The following PITX3 variants were observed in gnomAD, a reference collection of about 807,000 sequenced individuals.
PITX3 encodes pituitary homeobox 3.
Under a neutral mutation model 14.2 loss-of-function variants are expected in PITX3, and 4 were observed. The observed-to-expected ratio is 0.28, with a 90% CI of 0.14 to 0.65. PITX3 has a LOEUF of 0.65. Ranked by LOEUF, PITX3 falls within the 30% of genes least tolerant of loss-of-function variation. The pLI, the probability that PITX3 is intolerant of heterozygous loss-of-function variation, is 0.82. For missense variants in PITX3, 358 were observed against 426.8 expected, an observed-to-expected ratio of 0.84 and a Z score of 1.42; for synonymous variants, 194 against 204.5, an observed-to-expected ratio of 0.95 and a Z score of 0.44.
At chr10:102,235,156 T>C in intron 1 of PITX3, among the ~76,000 whole-genome samples, 1 of 143,132 alleles carries the variant, frequency 7.0e-6, no homozygotes, top group Admixed American at 7.0e-5. Context: ...GAGCTAGCCA[T>C]TATTACCCTT....
At chr10:102,235,809 C>T (rs532038584) in intron 1 of PITX3, among the ~76,000 whole-genome samples, 8 of 152,206 alleles carry the variant, frequency 5.3e-5, no homozygotes, top group Admixed American at 2.0e-4. Flanking sequence ...AAGGTGAGTA[C>T]GCTGCATTAC....
At chr10:102,237,588 GAAAA>G (rs545913690) in intron 1 of PITX3, among the ~76,000 whole-genome samples, 1 of 151,796 alleles carries the variant, frequency 6.6e-6, no homozygotes, top group Admixed American at 6.6e-5. Flanking sequence ...CCTGAATAAA[GAAAA>G]AAACCCTAAG....
At position 102,230,743 on chromosome 10, in the gene PITX3, G is replaced by A. The variant is rs527958411; in HGVS notation, c.680C>T (p.Pro227Leu). The A allele has an allele frequency of 6.7e-7, 1 of 1,488,240 alleles. No individual in the cohort carries two copies. The highest frequency in any genetic ancestry group is 1.4e-5 in the South Asian group (1 of 74,050). 92.2% of individuals were successfully genotyped at this position (1,488,240 alleles called of 1,614,324 possible). A position where few individuals can be genotyped will look rare whatever the true frequency, so the allele number is the denominator to read the frequency against. The change falls in exon 4 of 4, where the codon CCG becomes CTG. Residue 227 changes from proline to leucine, a missense_variant. Transcript: ENST00000370002. ...GLGGGPPGLA[P>L]AAVSSGAVSC... ...CACGGCCCCGGAGGACACGGCGGCC[G>A]GAGCCAGCCCGGGGGGGCCCCCGCC...
At chr10:102,234,950 C>T (rs538238593) in intron 1 of PITX3, among the ~76,000 whole-genome samples, 153 of 152,294 alleles carry the variant, frequency 1.0e-3, no homozygotes, top group African/African-American at 3.1e-3. Context: ...GTTCAGGCTG[C>T]GTGTTCCCAG....
At position 102,230,937 on chromosome 10, in the gene PITX3, G is replaced by A; in HGVS notation, c.486C>T (p.Ala162=). ...SYGNWPPKAL[A]PPLAAKTFPF... ...GAAAGGTCTTGGCGGCGAGCGGCGGGGCAAGAGCCTTGGGCGGCCAGTTGC... is the reference window on the plus strand; with the variant it reads ...GAAAGGTCTTGGCGGCGAGCGGCGGAGCAAGAGCCTTGGGCGGCCAGTTGC... The change falls in exon 4 of 4, where the codon GCC becomes GCT. Residue 162 remains alanine (A), a synonymous_variant. Transcript: ENST00000370002. 6.2e-7 allele frequency: 1 copy of A among 1,609,602 alleles called. No individual in the cohort carries two copies. Among genetic ancestry groups the A allele is most frequent in the Middle Eastern group, 1.7e-4 (1 of 6,052 alleles).
In PITX3 at chr10:102,230,656, T is replaced by C. The variant is rs768545639; in HGVS notation, c.767A>G (p.Tyr256Cys). 9 of 1,599,338 alleles carry C rather than the reference T, an allele frequency of 5.6e-6. No individual in the cohort carries two copies. The highest frequency in any genetic ancestry group is 3.3e-4 in the Middle Eastern group (2 of 6,042). Residue 256 changes from tyrosine to cysteine, a missense_variant, in exon 4 of 4, where the codon TAT (tyrosine) becomes TGT (cysteine). Coordinates refer to ENST00000370002, the MANE Select transcript of PITX3 (RefSeq NM_005029.4). ...CAGGCTCGAGTTACACGGGTCCCGA[T>C]AGACGTAGGGGGAAGAGGCGGCAGC... ...AAAAASSPYVYRDPCNSSLAS... is the reference protein window; with the variant it reads ...AAAAASSPYVCRDPCNSSLAS...
In PITX3 at chr10:102,230,821, G is replaced by T; in HGVS notation, c.602C>A (p.Ser201Tyr). ...PSSIAASMVP[S>Y]AAAAPGTVPG... ...CACGGTGCCCGGGGCAGCCGCGGCG[G>T]AGGGCACCATGGAGGCGGCGATGGA... The change falls in exon 4 of 4, where the codon TCC (serine) becomes TAC (tyrosine). Residue 201 changes from serine (S) to tyrosine (Y), a missense_variant. Coordinates refer to ENST00000370002, the MANE Select transcript of PITX3 (RefSeq NM_005029.4). 1 of 1,571,428 alleles carries T rather than the reference G, an allele frequency of 6.4e-7. No homozygotes were observed. The highest frequency in any genetic ancestry group is 8.6e-7 in the Non-Finnish European group (1 of 1,159,350).
rs763561943 is a variant in PITX3 at position 102,231,001 on chromosome 10, A to G, written c.422T>C (p.Val141Ala). 5.0e-6 allele frequency: 8 copies of G among 1,599,548 alleles called. No homozygotes were observed. The South Asian group carries it at 8.9e-5, about 18-fold the overall frequency. The change falls in exon 4 of 4, where the codon GTG becomes GCG. Residue 141 changes from valine to alanine, a missense_variant. By Grantham distance (64) the Val-to-Ala change is moderately conservative (BLOSUM62 0). Around this residue, in one of 3 missense-constraint regions of PITX3, gnomAD observed 236 missense variants for 250.2 expected, o/e 0.94. Coordinates refer to ENST00000370002, the MANE Select transcript of PITX3 (RefSeq NM_005029.4). ...GGGGTACACCTCCTCGTAGGGCGGC[A>G]CCAGCCCCCCGAGCGGCGCCGCGAA... Reference protein sequence around the residue: ...GSFAAPLGGLVPPYEEVYPGY... With the variant: ...GSFAAPLGGLAPPYEEVYPGY...
chr10:102,231,572 G>T lies in PITX3; in HGVS notation c.321+16C>A. 4 of 1,546,514 alleles carry T rather than the reference G, an allele frequency of 2.6e-6. No homozygotes were observed. Among genetic ancestry groups the T allele is most frequent in the Non-Finnish European group, 3.5e-6 (4 of 1,132,880 alleles). The stretch of plus-strand genomic sequence containing the variant: ...AGGGCCCGCGCGGGTGCGAGTCGCG[G>T]GTCTGGAGAGCATACCCGCACGCGG... On this transcript the variant is annotated intron_variant, in intron 3 of 3. Coordinates refer to ENST00000370002, the MANE Select transcript of PITX3 (RefSeq NM_005029.4).
rs756594245 is a variant in PITX3 at position 102,230,583 on chromosome 10, G to T, written c.840C>A (p.Pro280=). 1 of 1,611,690 alleles carries T rather than the reference G, an allele frequency of 6.2e-7. No individual in the cohort carries two copies. The change falls in exon 4 of 4, where the codon CCC becomes CCA. Residue 280 remains proline, a synonymous_variant. Transcript: ENST00000370002. The part of the protein sequence containing the change: ...KAKQHASFSY[P]AVHGPPPAAN... ...CTGCCGGGGGCGGCCCGTGCACAGCGGGGTAGCTGAAGGAGGCGTGCTGTT... is the reference window on the plus strand; with the variant it reads ...CTGCCGGGGGCGGCCCGTGCACAGCTGGGTAGCTGAAGGAGGCGTGCTGTT...
In PITX3 at chr10:102,230,754, G is replaced by C. The variant is rs1021921907; in HGVS notation, c.669C>G (p.Pro223=). 1.3e-6 allele frequency: 2 copies of C among 1,483,010 alleles called. No homozygotes were observed. Among genetic ancestry groups the C allele is most frequent in the Middle Eastern group, 2.0e-4 (1 of 4,986 alleles). 91.9% of individuals were successfully genotyped at this position (1,483,010 alleles called of 1,614,324 possible). The change falls in exon 4 of 4, where the codon CCC becomes CCG. Residue 223 remains proline, a synonymous_variant. Coordinates refer to ENST00000370002, the MANE Select transcript of PITX3 (RefSeq NM_005029.4). ...AGGACACGGCGGCCGGAGCCAGCCC[G>C]GGGGGGCCCCCGCCCAGGCCCTGCA... is the stretch of plus-strand genomic sequence containing the variant. ...GALQGLGGGP[P]GLAPAAVSSG... is the part of the protein sequence containing the mutation.
At chr10:102,240,627 T>C (rs1416179008) in intron 1 of PITX3, among the ~76,000 whole-genome samples, 1 of 152,198 alleles carries the variant, frequency 6.6e-6, no homozygotes, top group Non-Finnish European at 1.5e-5. Context: ...CCCACTTCGC[T>C]ACCCGGACAT....
chr10:102,234,832 C>A (rs2070342531), intron 1 of PITX3, among the ~76,000 whole-genome samples: 1 of 152,162 alleles, frequency 6.6e-6, no homozygotes, highest in Non-Finnish European at 1.5e-5. Flanking sequence ...TTCCAAATTA[C>A]CCTGTCCCCG....
At chr10:102,231,321 C>G (rs1427384908) in intron 3 of PITX3, among the ~76,000 whole-genome samples, 1 of 152,020 alleles carries the variant, frequency 6.6e-6, no homozygotes, top group African/African-American at 2.4e-5. Flanking sequence ...TCTGGCGGGA[C>G]AGTAGGATGG....
intron 1 of PITX3, among the ~76,000 whole-genome samples, chr10:102,240,694 T>C (rs1041543324): frequency 8.5e-5 from 13 of 152,200 alleles, no homozygotes; most frequent in African/African-American, 3.1e-4. Flanking sequence ...TGAGGCGGCC[T>C]CAAGTCAGGA....
At chr10:102,235,184 C>CCG (rs2070359452) in intron 1 of PITX3, among the ~76,000 whole-genome samples, 2 of 143,124 alleles carry the variant, frequency 1.4e-5, no homozygotes, top group Admixed American at 6.9e-5. Context: ...CCCCCACCCC[C>CCG]CCACCGCCTC....
intron 3 of PITX3, 73 bp from the exon 4 acceptor site, chr10:102,231,174 G>C: frequency 7.3e-7 from 1 of 1,378,968 alleles, no homozygotes; most frequent in Non-Finnish European, 9.5e-7. Context: ...CCACCCCGAC[G>C]GGGCTTCCAG....
intron 3 of PITX3, among the ~76,000 whole-genome samples, 182 bp downstream of exon 3, chr10:102,231,406 G>C (rs561849223): frequency 3.3e-5 from 5 of 152,258 alleles, no homozygotes; most frequent in Non-Finnish European, 7.4e-5. Context: ...GTAGTAGGGA[G>C]CAGTGGGAGC....
Position 102,231,876 on chromosome 10 carries a change from CTCCCACCGGGGCTGCCCAGCCGGGG to C in PITX3, c.118+62_118+86del. ...GGGGACCTCCTAAGCCACTCGCTGG[CTCCCACCGGGGCTGCCCAGCCGGGG>C]TCCCACCCGCACTGGGGATGAAGCT... On this transcript the variant is annotated intron_variant, in intron 2 of 3. Transcript: ENST00000370002. The C allele has an allele frequency of 4.5e-6, 7 of 1,569,204 alleles. No homozygotes were observed. In the South Asian group the frequency reaches 5.5e-5, roughly 12 times the overall value.
Sources: gnomAD v4.1 joint callset for allele counts (sites outside exome capture counted in the v4.1 genomes callset) on GRCh38, gnomAD v4.1.1 for gene constraint, gnomAD v4.1.1 regional missense constraint, MANE v1.5 for transcripts, NCBI Gene and HGNC (gene_info 2026-07-23, HGNC 2026-07-21) for gene names.